Variants in TMEM117 observed in about 807,000 individuals in gnomAD.
TMEM117 encodes transmembrane protein 117.
In TMEM117, 27 loss-of-function variants were observed where a neutral mutation model predicts 52.4. The observed-to-expected ratio is 0.51, with a 90% CI of 0.38 to 0.71. TMEM117 has a LOEUF of 0.71. Ranked by LOEUF, TMEM117 falls within the 30% of genes least tolerant of loss-of-function variation. The pLI, the probability that TMEM117 is intolerant of heterozygous loss-of-function variation, is 0.00. For synonymous variants in TMEM117, 215 were observed against 206.3 expected, an observed-to-expected ratio of 1.04 and a Z score of -0.36; for missense variants, 556 against 630.5, an observed-to-expected ratio of 0.88 and a Z score of 1.26.
chr12:43,907,220 C>T (rs1192478316), intron 2 of TMEM117, among the ~76,000 whole-genome samples: 1 of 152,114 alleles, frequency 6.6e-6, no homozygotes, highest in Non-Finnish European at 1.5e-5. Flanking sequence ...TGGGAGGCAC[C>T]CCCCGGCAGG....
the TMEM117 span, among the ~76,000 whole-genome samples, chr12:43,810,213 C>G: frequency 3.3e-5 from 5 of 152,180 alleles, no homozygotes; most frequent in Non-Finnish European, 5.9e-5. Flanking sequence ...AGTGCCTTAG[C>G]AACAGCATCT....
intron 6 of TMEM117, among the ~76,000 whole-genome samples, chr12:44,313,749 T>C (rs1171879274): frequency 6.6e-6 from 1 of 152,218 alleles, no homozygotes; most frequent in Non-Finnish European, 1.5e-5. Context: ...GCATGGAATG[T>C]TTTTCCATTT....
intron 5 of TMEM117, among the ~76,000 whole-genome samples, chr12:44,225,928 C>G (rs1949854523): frequency 6.6e-6 from 1 of 152,158 alleles, no homozygotes; most frequent in Non-Finnish European, 1.5e-5. Context: ...TAACTTGTAA[C>G]AGCCCTGTGA....
intron 4 of TMEM117, among the ~76,000 whole-genome samples, chr12:44,169,463 T>C (rs924556400): frequency 6.6e-6 from 1 of 152,230 alleles, no homozygotes; most frequent in African/African-American, 2.4e-5. Context: ...TTAAGTATCT[T>C]TTCATGTACT....
chr12:43,996,215 C>T (rs546132160), intron 3 of TMEM117, among the ~76,000 whole-genome samples: 7 of 152,148 alleles, frequency 4.6e-5, no homozygotes, highest in African/African-American at 1.2e-4. Flanking sequence ...AATGTTTTAG[C>T]GCATTTTCTT....
intron 3 of TMEM117, among the ~76,000 whole-genome samples, chr12:43,972,878 C>G (rs1945614053): frequency 6.6e-6 from 1 of 152,210 alleles, no homozygotes; most frequent in Non-Finnish European, 1.5e-5. Flanking sequence ...GGAAGTCCAG[C>G]TGGCTTCACC....
intron 3 of TMEM117, among the ~76,000 whole-genome samples, chr12:43,998,230 A>G (rs1211063007): frequency 2.0e-5 from 3 of 152,222 alleles, no homozygotes; most frequent in African/African-American, 7.2e-5. Context: ...AATTCCAGAA[A>G]CAAAATCATC....
chr12:44,276,434 C>A (rs975029318), intron 5 of TMEM117, among the ~76,000 whole-genome samples: 1 of 152,008 alleles, frequency 6.6e-6, no homozygotes, highest in Non-Finnish European at 1.5e-5. Context: ...TAAGTGAAAT[C>A]TAAAAACTTG....
At chr12:44,152,398 T>G (rs1381498325) in intron 4 of TMEM117, among the ~76,000 whole-genome samples, 1 of 108,820 alleles carries the variant, frequency 9.2e-6, no homozygotes, top group Non-Finnish European at 1.6e-5. Context: ...TTATATATAA[T>G]ATTTATATCA....
chr12:43,959,380 TCAG>T (rs1314357865), intron 3 of TMEM117, among the ~76,000 whole-genome samples: 1 of 152,240 alleles, frequency 6.6e-6, no homozygotes, highest in Admixed American at 6.5e-5. Flanking sequence ...GTTGTAGGCT[TCAG>T]CACATAATTT....
chr12:44,062,345 C>T (rs972952362), intron 3 of TMEM117, among the ~76,000 whole-genome samples: 4 of 152,112 alleles, frequency 2.6e-5, no homozygotes, highest in African/African-American at 9.7e-5. Context: ...TTGTAAGAGG[C>T]GGTTAGGTAT....
Position 44,045,171 on chromosome 12 carries a change from T to G in TMEM117, c.411-98354T>G, listed in dbSNP as rs544678244. Among the ~76,000 whole-genome samples the G allele has an allele frequency of 2.7e-3, 416 of 152,278 alleles. 4 individuals carry two copies. Among genetic ancestry groups the G allele is most frequent in the African/African-American group, 9.3e-3 (388 of 41,568 alleles). The stretch of plus-strand genomic sequence containing the variant: ...TTGCCCAATGGGTCCATGAACAAAG[T>G]GGCCATGATGGCAGGGATGGAGGTT... On this transcript the variant is annotated intron_variant, in intron 3 of 7. Transcript: ENST00000266534.
chr12:44,151,350 TC>T (rs1392139774), intron 4 of TMEM117, among the ~76,000 whole-genome samples: 1 of 151,094 alleles, frequency 6.6e-6, no homozygotes, highest in Non-Finnish European at 1.5e-5. Flanking sequence ...GATGGAATTT[TC>T]TTTTTTTTTT....
chr12:44,004,539 G>A (rs1297154747), intron 3 of TMEM117, among the ~76,000 whole-genome samples: 2 of 152,106 alleles, frequency 1.3e-5, no homozygotes, highest in Non-Finnish European at 2.9e-5. Flanking sequence ...AGGGAGGATG[G>A]TGGCACAGTC....
chr12:44,337,596 C>T (rs990442846), intron 6 of TMEM117, among the ~76,000 whole-genome samples: 1 of 151,876 alleles, frequency 6.6e-6, no homozygotes, highest in Non-Finnish European at 1.5e-5. Context: ...AATAGACTGA[C>T]AATCTGACTC....
intron 6 of TMEM117, among the ~76,000 whole-genome samples, chr12:44,320,021 A>G (rs912044159): frequency 3.3e-5 from 5 of 152,092 alleles, no homozygotes; most frequent in Non-Finnish European, 7.4e-5. Flanking sequence ...AATCTTCCTC[A>G]AGCCCTAAGA....
chr12:44,211,529 C>T (rs1216975085), intron 5 of TMEM117, 142 bp downstream of exon 5: 3 of 563,912 alleles, frequency 5.3e-6, no homozygotes, highest in African/African-American at 1.9e-5. Context: ...AAACCATTAT[C>T]CTAATTATTT....
intron 3 of TMEM117, among the ~76,000 whole-genome samples, chr12:44,073,231 A>T (rs1485978789): frequency 1.3e-5 from 2 of 152,352 alleles, no homozygotes; most frequent in African/African-American, 4.8e-5. Context: ...TATTGTGCCT[A>T]ATGCCCAGAT....
chr12:43,806,431 G>C, the TMEM117 span: 2 of 1,121,594 alleles, frequency 1.8e-6, no homozygotes, highest in Non-Finnish European at 2.2e-6. Flanking sequence ...CTTCCTGGCC[G>C]CCGGGCTGCG....
Sources: gnomAD v4.1 joint callset for allele counts (sites outside exome capture counted in the v4.1 genomes callset) on GRCh38, gnomAD v4.1.1 for gene constraint, MANE v1.5 for transcripts, NCBI Gene and HGNC (gene_info 2026-07-23, HGNC 2026-07-21) for gene names.